MEOX2: variants seen among roughly 807,000 people sequenced by gnomAD.
The protein encoded by MEOX2 is homeobox protein MOX-2.
Under a neutral mutation model 27.0 loss-of-function variants are expected in MEOX2, and 11 were observed. The ratio of observed to expected loss-of-function variants is 0.41; its 90% CI spans 0.26 to 0.68. The LOEUF is 0.68. Among genes scored for constraint, MEOX2 ranks in the 30% least tolerant of loss-of-function variants. The pLI, the probability that MEOX2 is intolerant of heterozygous loss-of-function variation, is 0.33. For missense variants in MEOX2, 436 were observed against 385.4 expected (o/e 1.13, Z -1.10); for synonymous variants, 189 against 155.4 (o/e 1.22, Z -1.61).
rs867611647 is a variant in MEOX2, at chr7:15,661,041, A to G, written c.517+24845T>C. The stretch of plus-strand genomic sequence containing the variant: ...AAAAAAAAAAAAAAAAAAAAAAAAA[A>G]GAGAAAGAGAGAGAAAGGAAGCATT... On this transcript the variant is annotated intron_variant, in intron 1 of 2. Coordinates refer to ENST00000262041, the MANE Select transcript of MEOX2 (RefSeq NM_005924.5). Among the ~76,000 whole-genome samples, 818 of 146,816 alleles carry G rather than the reference A, an allele frequency of 5.6e-3. 9 individuals carry two copies. The highest frequency in any genetic ancestry group is 0.02 in the African/African-American group (778 of 38,832).
chr7:15,643,441 C>T lies in MEOX2; in HGVS notation c.518-16523G>A, dbSNP rs143005017. Among the ~76,000 whole-genome samples, 16 of 152,256 alleles carry T rather than the reference C, an allele frequency of 1.1e-4. No homozygotes were observed. The East Asian group carries it at 2.5e-3, about 24-fold the overall frequency. ...GCAGCTCTCAGGCCACTGGGCCAAC[C>T]CTTCAGTGGTGTCCCTCCTGTGCCA... On this transcript the variant is annotated intron_variant, in intron 1 of 2. Transcript: ENST00000262041.
intron 1 of MEOX2, among the ~76,000 whole-genome samples, chr7:15,669,457 C>A (rs373548613): frequency 6.6e-6 from 1 of 152,250 alleles, no homozygotes; most frequent in East Asian, 1.9e-4. Context: ...CCAGTAATAT[C>A]TTTGCCTAAT....
intron 1 of MEOX2, among the ~76,000 whole-genome samples, chr7:15,639,447 T>C (rs1293769801): frequency 6.6e-6 from 1 of 152,086 alleles, no homozygotes; most frequent in Non-Finnish European, 1.5e-5. Flanking sequence ...ATTCAATTGA[T>C]TGTGTCTTTT....
intron 1 of MEOX2, chr7:15,678,809 T>G (rs753462235): frequency 6.6e-6 from 1 of 152,244 alleles, no homozygotes; most frequent in Non-Finnish European, 1.5e-5. Flanking sequence ...CAACCTAAGC[T>G]GGACCCTCCT....
intron 1 of MEOX2, among the ~76,000 whole-genome samples, chr7:15,672,266 T>C (rs952398072): frequency 4.6e-5 from 7 of 152,174 alleles, no homozygotes; most frequent in African/African-American, 1.7e-4. Context: ...TTATTTAATG[T>C]TTTGTCTCTA....
intron 1 of MEOX2, among the ~76,000 whole-genome samples, chr7:15,684,586 G>T (rs538964788): frequency 6.6e-6 from 1 of 152,284 alleles, no homozygotes; most frequent in African/African-American, 2.4e-5. Flanking sequence ...GCTGTGAATG[G>T]TGAAGGAATA....
intron 1 of MEOX2, among the ~76,000 whole-genome samples, chr7:15,632,865 G>A (rs1343843435): frequency 6.6e-6 from 1 of 151,944 alleles, no homozygotes; most frequent in African/African-American, 2.4e-5. Context: ...ACTAAAGAAA[G>A]ATCATGGCTA....
At chr7:15,623,318 T>C (rs750110347) in intron 2 of MEOX2, among the ~76,000 whole-genome samples, 25 of 152,180 alleles carry the variant, frequency 1.6e-4, no homozygotes, top group Non-Finnish European at 5.9e-5. Flanking sequence ...TTCAGCACAG[T>C]AAAATTCAGC....
chr7:15,649,386 A>G (rs988468469), intron 1 of MEOX2, among the ~76,000 whole-genome samples: 5 of 152,114 alleles, frequency 3.3e-5, no homozygotes, highest in African/African-American at 1.2e-4. Context: ...TAAAACATCG[A>G]AGAACATACT....
intron 2 of MEOX2, among the ~76,000 whole-genome samples, chr7:15,614,808 C>T (rs948983282): frequency 3.3e-5 from 5 of 151,976 alleles, no homozygotes; most frequent in African/African-American, 9.7e-5. Context: ...ATTTCAATTT[C>T]TGTAAATAGT....
At chr7:15,663,019 T>G (rs1267136153) in intron 1 of MEOX2, among the ~76,000 whole-genome samples, 1 of 152,118 alleles carries the variant, frequency 6.6e-6, no homozygotes, top group African/African-American at 2.4e-5. Flanking sequence ...GTAAGTAGCA[T>G]GAAATATACT....
chr7:15,658,281 G>T (rs1174748233), intron 1 of MEOX2, among the ~76,000 whole-genome samples: 3 of 152,198 alleles, frequency 2.0e-5, no homozygotes, highest in East Asian at 1.9e-4. Flanking sequence ...TCTCATTAAA[G>T]CCTGGTGAGG....
chr7:15,674,554 T>TTGTGTG (rs141430037), intron 1 of MEOX2, among the ~76,000 whole-genome samples: 176 of 149,804 alleles, frequency 1.2e-3, no homozygotes, highest in Middle Eastern at 3.4e-3. Flanking sequence ...AGATAAAAGA[T>TTGTGTG]TCTGTGTGTG....
At chr7:15,638,435 G>C (rs190656557) in intron 1 of MEOX2, among the ~76,000 whole-genome samples, 61 of 152,134 alleles carry the variant, frequency 4.0e-4, no homozygotes, top group African/African-American at 1.3e-3. Context: ...GTCTTCATTG[G>C]TCTCATATGC....
intron 1 of MEOX2, among the ~76,000 whole-genome samples, chr7:15,654,404 T>G (rs1323147291): frequency 6.6e-6 from 1 of 151,804 alleles, no homozygotes; most frequent in Admixed American, 6.6e-5. Context: ...TGCATTTTAT[T>G]TCCTTTTCTG....
chr7:15,636,780 G>A (rs1444429610), intron 1 of MEOX2, among the ~76,000 whole-genome samples: 1 of 152,008 alleles, frequency 6.6e-6, no homozygotes, highest in African/African-American at 2.4e-5. Flanking sequence ...AATCCTAGAG[G>A]CTGAGAAGAA....
chr7:15,641,815 T>C (rs1185429341), intron 1 of MEOX2, among the ~76,000 whole-genome samples: 1 of 152,178 alleles, frequency 6.6e-6, no homozygotes, highest in East Asian at 1.9e-4. Flanking sequence ...CTCATGGTGA[T>C]AAATTCTACT....
chr7:15,674,792 T>G (rs1249701208), intron 1 of MEOX2, among the ~76,000 whole-genome samples: 2 of 152,108 alleles, frequency 1.3e-5, no homozygotes, highest in Non-Finnish European at 2.9e-5. Context: ...TGTTTACACA[T>G]TGTGGGGAAG....
Position 15,651,954 on chromosome 7 carries a change from G to A in MEOX2, c.518-25036C>T, listed in dbSNP as rs77284415. On this transcript the variant is annotated intron_variant, in intron 1 of 2. Coordinates refer to ENST00000262041, the MANE Select transcript of MEOX2 (RefSeq NM_005924.5). The stretch of plus-strand genomic sequence containing the variant: ...ACATAAGACAACTGAATGTTAACAA[G>A]CATATCCTGAAAAGGAATGATCTAG... 6.2e-3 allele frequency among the ~76,000 whole-genome samples: 936 copies of A among 151,960 alleles called. 10 individuals are homozygous for A. The highest frequency in any genetic ancestry group is 0.021 in the African/African-American group (863 of 41,478).
Sources: gnomAD v4.1 joint callset for allele counts (sites outside exome capture counted in the v4.1 genomes callset) on GRCh38, gnomAD v4.1.1 for gene constraint, MANE v1.5 for transcripts, NCBI Gene and HGNC (gene_info 2026-07-23, HGNC 2026-07-21) for gene names.